TLL1: variants seen among roughly 807,000 people sequenced by gnomAD.
TLL1 encodes tolloid-like protein 1.
In TLL1, 49 loss-of-function variants were observed where a neutral mutation model predicts 128.2. The observed-to-expected ratio is 0.38, with a 90% CI of 0.30 to 0.48. TLL1 has a LOEUF of 0.48. Ranked by LOEUF, TLL1 falls within the 20% of genes least tolerant of loss-of-function variation. TLL1 has a pLI of 0.96. For synonymous variants in TLL1, 454 were observed against 418.8 expected (o/e 1.08, Z -1.03); for missense variants, 1,123 against 1,242.0 (o/e 0.90, Z 1.44).
intron 1 of TLL1, among the ~76,000 whole-genome samples, chr4:165,960,400 T>C (rs1203610489): frequency 1.3e-5 from 2 of 152,094 alleles, no homozygotes; most frequent in Non-Finnish European, 2.9e-5. Context: ...AAATAACTGG[T>C]ACCAGTTCTA....
chr4:165,979,713 A>C (rs1057392930), intron 1 of TLL1, among the ~76,000 whole-genome samples: 1 of 152,084 alleles, frequency 6.6e-6, no homozygotes, highest in South Asian at 2.1e-4. Context: ...TCTTGAGCCC[A>C]AGGAATTTGA....
chr4:166,084,935 A>G (rs974887429), intron 18 of TLL1, among the ~76,000 whole-genome samples: 1 of 151,966 alleles, frequency 6.6e-6, no homozygotes, highest in Admixed American at 6.6e-5. Flanking sequence ...TTCCTGTGAA[A>G]AAATGTTATT....
chr4:165,980,843 A>G (rs1488152918), intron 1 of TLL1, among the ~76,000 whole-genome samples: 1 of 152,138 alleles, frequency 6.6e-6, no homozygotes, highest in Non-Finnish European at 1.5e-5. Context: ...CAGACACAAA[A>G]TATAAGTTCA....
intron 1 of TLL1, among the ~76,000 whole-genome samples, chr4:165,912,481 T>C (rs1390051850): frequency 6.6e-6 from 1 of 152,222 alleles, no homozygotes; most frequent in African/African-American, 2.4e-5. Context: ...GCCAGAGTAT[T>C]AGAAGCACCT....
chr4:166,060,933 G>C (rs1740282809), intron 15 of TLL1, among the ~76,000 whole-genome samples: 1 of 152,116 alleles, frequency 6.6e-6, no homozygotes, highest in Non-Finnish European at 1.5e-5. Flanking sequence ...TTCGTCTTCT[G>C]TACGTTCTCT....
intron 1 of TLL1, among the ~76,000 whole-genome samples, chr4:165,949,216 G>A (rs1432721800): frequency 6.6e-6 from 1 of 152,056 alleles, no homozygotes; most frequent in Non-Finnish European, 1.5e-5. Flanking sequence ...AAAGATTTGA[G>A]GAATGTTCCC....
At chr4:166,035,168 T>C (rs1350503973) in intron 9 of TLL1, among the ~76,000 whole-genome samples, 2 of 152,156 alleles carry the variant, frequency 1.3e-5, no homozygotes, top group Non-Finnish European at 2.9e-5. Flanking sequence ...TGAGTGATGA[T>C]TCATCAAAAT....
rs774799841 is a variant in TLL1 at position 166,065,650 on chromosome 4, A to T, written c.2008-33A>T. The T allele has an allele frequency of 2.5e-6, 4 of 1,608,136 alleles. No homozygotes were observed. In the African/African-American group the frequency reaches 4.0e-5, roughly 16 times the overall value. On this transcript the variant is annotated intron_variant, in intron 15 of 20. Coordinates refer to ENST00000061240, the MANE Select transcript of TLL1 (RefSeq NM_012464.5). ...AAATGTCAATCATCTTGTACTCACA[A>T]ATCTGGCAACTGATAACCACATTTT...
At position 165,962,304 on chromosome 4, in the gene TLL1, A is replaced by G. The variant is rs562189376; in HGVS notation, c.170-27077A>G. Among the ~76,000 whole-genome samples, 5 of 152,354 alleles carry G rather than the reference A, an allele frequency of 3.3e-5. No homozygotes were observed. The East Asian group carries it at 9.6e-4, about 29-fold the overall frequency. On this transcript the variant is annotated intron_variant, in intron 1 of 20. Coordinates refer to ENST00000061240, the MANE Select transcript of TLL1 (RefSeq NM_012464.5). ...CTCAAAAGAAGCCATACAAGTGGTGAACAAAAGTATGAAAAAATTCTCAAC... is the reference window on the plus strand; with the variant it reads ...CTCAAAAGAAGCCATACAAGTGGTGGACAAAAGTATGAAAAAATTCTCAAC...
chr4:166,010,682 T>C (rs1255145153), intron 7 of TLL1, among the ~76,000 whole-genome samples: 2 of 151,254 alleles, frequency 1.3e-5, no homozygotes, highest in Non-Finnish European at 3.0e-5. Flanking sequence ...TTGGTTTTAT[T>C]GACTGTGCTT....
chr4:166,060,228 G>A, intron 15 of TLL1, 40 bp downstream of exon 15: 2 of 1,602,518 alleles, frequency 1.2e-6, no homozygotes, highest in Non-Finnish European at 1.7e-6. Context: ...ATCATGTTTT[G>A]GAACTCCCTG....
chr4:165,914,795 C>CAG (rs1732705576), intron 1 of TLL1, among the ~76,000 whole-genome samples: 3 of 152,154 alleles, frequency 2.0e-5, no homozygotes, highest in Admixed American at 2.0e-4. Context: ...AGATTTTCCC[C>CAG]AGAGAGAGAT....
chr4:166,027,656 G>A (rs762288896), intron 9 of TLL1, among the ~76,000 whole-genome samples: 3 of 152,004 alleles, frequency 2.0e-5, no homozygotes, highest in Non-Finnish European at 4.4e-5. Flanking sequence ...ATATTCTGAA[G>A]GTCATTCTTA....
Position 166,091,259 on chromosome 4 carries a change from G to A in TLL1, c.2574G>A (p.Val858=). The change falls in exon 19 of 21, where the codon GTG becomes GTA. Residue 858 remains valine, a synonymous_variant. Transcript: ENST00000061240. The stretch of plus-strand genomic sequence containing the variant: ...GCAACAAGATACCAGATCCCCTTGT[G>A]GCTACTGGAAATAAAATGTTTGTTC... ...LCGNKIPDPL[V]ATGNKMFVRF... is the part of the protein sequence containing the mutation. The A allele has an allele frequency of 1.2e-6, 2 of 1,613,126 alleles. No individual in the cohort carries two copies. Among genetic ancestry groups the A allele is most frequent in the Middle Eastern group, 1.7e-4 (1 of 6,054 alleles).
At chr4:165,991,313 G>T (rs775611098) in intron 2 of TLL1, among the ~76,000 whole-genome samples, 30 of 151,886 alleles carry the variant, frequency 2.0e-4, no homozygotes, top group Non-Finnish European at 1.5e-5. Context: ...TCTGTGGAAG[G>T]TACATGTTTG....
intron 12 of TLL1, among the ~76,000 whole-genome samples, chr4:166,051,772 T>C (rs572701858): frequency 6.6e-6 from 1 of 152,308 alleles, no homozygotes; most frequent in East Asian, 1.9e-4. Flanking sequence ...TATCATAAAT[T>C]CATGTAGATG....
In TLL1 at chr4:165,994,492, C is replaced by A. The variant is rs1207038779; in HGVS notation, c.473C>A (p.Pro158His). The part of the protein sequence containing the change: ...AATSRTERIW[P>H]GGVIPYVIGG... The stretch of plus-strand genomic sequence containing the variant: ...ACATCAAGAACGGAAAGAATATGGC[C>A]TGGAGGCGTTATTCCTTATGTTATA... Residue 158 changes from proline to histidine, a missense_variant, in exon 4 of 21, where the codon CCT becomes CAT. Physicochemically the swap from Pro to His is moderately conservative, Grantham distance 77. This residue lies in a region of TLL1 where 480 missense variants were observed against 542.4 expected (regional missense o/e 0.89). Transcript: ENST00000061240. 1 of 1,614,004 alleles carries A rather than the reference C, an allele frequency of 6.2e-7. No homozygotes were observed. Among genetic ancestry groups the A allele is most frequent in the Non-Finnish European group, 8.5e-7 (1 of 1,179,942 alleles).
chr4:165,934,807 T>C (rs1023234293), intron 1 of TLL1, among the ~76,000 whole-genome samples: 7 of 152,162 alleles, frequency 4.6e-5, no homozygotes, highest in African/African-American at 1.4e-4. Context: ...GGCCGTAGGA[T>C]TCCATAATAA....
intron 1 of TLL1, among the ~76,000 whole-genome samples, chr4:165,958,555 G>C (rs1203379248): frequency 6.7e-6 from 1 of 150,036 alleles, no homozygotes; most frequent in African/African-American, 2.5e-5. Flanking sequence ...TTTTGATGGG[G>C]TTGTTTGTTT....
Sources: gnomAD v4.1 joint callset for allele counts (sites outside exome capture counted in the v4.1 genomes callset) on GRCh38, gnomAD v4.1.1 for gene constraint, gnomAD v4.1.1 regional missense constraint, MANE v1.5 for transcripts, NCBI Gene and HGNC (gene_info 2026-07-23, HGNC 2026-07-21) for gene names.